Variants in PCDH1 observed in about 807,000 individuals in gnomAD.
The protein encoded by PCDH1 is protocadherin-1.
PCDH1 carries 23 observed loss-of-function variants against 74.6 expected under a neutral mutation model. That is an observed-to-expected ratio of 0.31 (90% CI 0.22 to 0.44). PCDH1 has a LOEUF of 0.44. PCDH1 is among the 20% of genes least tolerant of loss of function. The pLI is 1.00. For missense variants in PCDH1, 1,214 were observed against 1,641.4 expected, an observed-to-expected ratio of 0.74 and a Z score of 4.50; for synonymous variants, 647 against 686.1, an observed-to-expected ratio of 0.94 and a Z score of 0.89.
intron 3 of PCDH1, among the ~76,000 whole-genome samples, chr5:141,860,713 G>A (rs1172492938): frequency 6.6e-6 from 1 of 152,022 alleles, no homozygotes; most frequent in African/African-American, 2.4e-5. Flanking sequence ...TTTCACTTCT[G>A]CAAAATTAAT....
In PCDH1 at chr5:141,863,185, G is replaced by A. The variant is rs201613360; in HGVS notation, c.3099+47C>T. 228 of 1,519,462 alleles carry A rather than the reference G, an allele frequency of 1.5e-4. No homozygotes were observed. In the East Asian group the frequency reaches 4.9e-3, roughly 33 times the overall value. The allele number at this position is 1,519,462 out of a possible 1,614,324, so 94.1% of individuals were successfully genotyped here. A position where few individuals can be genotyped will look rare whatever the true frequency, so the allele number is the denominator to read the frequency against. On this transcript the variant is annotated intron_variant, in intron 3 of 4. Coordinates refer to ENST00000287008, the MANE Select transcript of PCDH1 (RefSeq NM_032420.5). The surrounding 1 kb of genome is among the most constrained non-coding windows in gnomAD (Gnocchi z 7.5). ...CTCGGTCCAGATGGCTCCGTGGTAG[G>A]GGTGGGGTAGGGGCTGGGGTGTGCT...
chr5:141,869,565 C>T lies in PCDH1; in HGVS notation c.41-134G>A, dbSNP rs1411249008. 3.9e-6 allele frequency: 6 copies of T among 1,536,174 alleles called. No individual in the cohort carries two copies. The highest frequency in any genetic ancestry group is 4.4e-6 in the Non-Finnish European group (5 of 1,147,136). ...TCCACAAGAGCAGTCAGTCCCAGCACAGAACCCCGATTCCAGAAACTCAGA... is the reference window on the plus strand; with the variant it reads ...TCCACAAGAGCAGTCAGTCCCAGCATAGAACCCCGATTCCAGAAACTCAGA... On this transcript the variant is annotated intron_variant, in intron 1 of 4. Transcript: ENST00000287008. The surrounding 1 kb of genome is among the most constrained non-coding windows in gnomAD (Gnocchi z 4.9).
In PCDH1 at chr5:141,868,234, C is replaced by A. The variant is rs1752932954; in HGVS notation, c.903+335G>T. Among the ~76,000 whole-genome samples the A allele has an allele frequency of 6.6e-6, 1 of 152,212 alleles. No individual in the cohort carries two copies. The highest frequency in any genetic ancestry group is 1.5e-5 in the Non-Finnish European group (1 of 68,028). On this transcript the variant is annotated intron_variant, in intron 2 of 4. Coordinates refer to ENST00000287008, the MANE Select transcript of PCDH1 (RefSeq NM_032420.5). This position sits in a 1 kb window ranked among gnomAD's most constrained non-coding sequence, Gnocchi z 4.8. ...CTGGATAAACGGTGATTCCTTTGTT[C>A]CAACTCAGCTCACCTGGCTAGCAGA...
chr5:141,863,471 G>T lies in PCDH1; in HGVS notation c.2860C>A (p.Leu954Met). Residue 954 changes from leucine to methionine, a missense_variant, in exon 3 of 5, where the codon CTG (leucine) becomes ATG (methionine). Physicochemically the swap from Leu to Met is conservative, Grantham distance 15 (BLOSUM62 2). This residue lies in a region of PCDH1 where 836 missense variants were observed against 1,182.2 expected (regional missense o/e 0.71). Transcript: ENST00000287008. This position sits in a 1 kb window ranked among gnomAD's most constrained non-coding sequence, Gnocchi z 7.5. The part of the protein sequence containing the change: ...DAPGDSPRIH[L>M]PLNYPPGSPD... ...CTGCCTGGTGGGTAGTTGAGGGGCA[G>T]GTGGATGCGGGGACTGTCCCCAGGG... The T allele has an allele frequency of 6.3e-7, 1 of 1,590,190 alleles. No homozygotes were observed. Among genetic ancestry groups the T allele is most frequent in the South Asian group, 1.2e-5 (1 of 86,570 alleles).
At position 141,864,596 on chromosome 5, in the gene PCDH1, C is replaced by T. The variant is rs768295979; in HGVS notation, c.1735G>A (p.Glu579Lys). ...SLDREQRESY[E>K]LKVVAADRGS... ...CGGTCAGCTGCCACCACCTTCAACT[C>T]ATAGCTCTCCCGCTGTTCCCGATCC... The change falls in exon 3 of 5, where the codon GAG (glutamate) becomes AAG (lysine). Residue 579 changes from glutamate to lysine, a missense_variant. Physicochemically the swap from Glu to Lys is moderately conservative, Grantham distance 56. Coordinates refer to ENST00000287008, the MANE Select transcript of PCDH1 (RefSeq NM_032420.5). The surrounding 1 kb of genome is among the most constrained non-coding windows in gnomAD (Gnocchi z 5.9). The T allele has an allele frequency of 1.2e-6, 2 of 1,613,726 alleles. No individual in the cohort carries two copies. Among genetic ancestry groups the T allele is most frequent in the Non-Finnish European group, 1.7e-6 (2 of 1,180,032 alleles).
At chr5:141,877,414 CAAG>C (rs1466048353) in intron 1 of PCDH1, among the ~76,000 whole-genome samples, 1 of 152,082 alleles carries the variant, frequency 6.6e-6, no homozygotes, top group African/African-American at 2.4e-5. Context: ...ATGTTCTGGC[CAAG>C]AAGTGGGTAA....
chr5:141,871,474 T>G (rs1753095084), intron 1 of PCDH1, among the ~76,000 whole-genome samples: 2 of 152,240 alleles, frequency 1.3e-5, no homozygotes, highest in African/African-American at 4.8e-5. Context: ...CAAACCCAGC[T>G]GCTCACTTCC....
intron 1 of PCDH1, among the ~76,000 whole-genome samples, chr5:141,871,558 T>G (rs966279318): frequency 5.3e-5 from 8 of 152,200 alleles, no homozygotes; most frequent in African/African-American, 1.7e-4. Context: ...TACTACCTAT[T>G]TCCTAGGGTG....
At chr5:141,862,498 A>T (rs2126811948) in intron 3 of PCDH1, among the ~76,000 whole-genome samples, 1 of 152,236 alleles carries the variant, frequency 6.6e-6, no homozygotes, top group South Asian at 2.1e-4. Context: ...GCAAGATGGT[A>T]GGCTAAGATA....
intron 2 of PCDH1, chr5:141,866,056 A>G: frequency 2.0e-6 from 2 of 986,128 alleles, no homozygotes; most frequent in Non-Finnish European, 2.4e-6. Context: ...GTTTGCACAC[A>G]TGAGTAAAGA....
Position 141,863,494 on chromosome 5 carries a change from G to A in PCDH1, c.2837C>T (p.Pro946Leu). The part of the protein sequence containing the change: ...SLKFNLMSDA[P>L]GDSPRIHLPL... ...CAGGTGGATGCGGGGACTGTCCCCA[G>A]GGGCATCGCTCATCAGGTTGAACTT... Residue 946 changes from proline (P) to leucine (L), a missense_variant, in exon 3 of 5, where the codon CCT becomes CTT. Physicochemically the swap from Pro to Leu is moderately conservative, Grantham distance 98. Coordinates refer to ENST00000287008, the MANE Select transcript of PCDH1 (RefSeq NM_032420.5). This position sits in a 1 kb window ranked among gnomAD's most constrained non-coding sequence, Gnocchi z 7.5. 6.2e-7 allele frequency: 1 copy of A among 1,610,756 alleles called. No individual in the cohort carries two copies. The highest frequency in any genetic ancestry group is 8.5e-7 in the Non-Finnish European group (1 of 1,178,390).
At chr5:141,862,864 G>C (rs1353851308) in intron 3 of PCDH1, 1 of 1,150,484 alleles carries the variant, frequency 8.7e-7, no homozygotes, top group Middle Eastern at 3.6e-4. Flanking sequence ...CTGACATAGA[G>C]ACCTAGGTTT....
rs1752930482 is a variant in PCDH1, at chr5:141,868,147, A to G, written c.903+422T>C. Reference sequence around the variant, plus strand: ...TATCCTCCAGCTTCAGGAAAACCTCATCTGGCTAAAGAGAAACTATCCCTG... The same window carrying G: ...TATCCTCCAGCTTCAGGAAAACCTCGTCTGGCTAAAGAGAAACTATCCCTG... On this transcript the variant is annotated intron_variant, in intron 2 of 4. Transcript: ENST00000287008. This position sits in a 1 kb window ranked among gnomAD's most constrained non-coding sequence, Gnocchi z 4.8. Among the ~76,000 whole-genome samples, 1 of 152,266 alleles carries G rather than the reference A, an allele frequency of 6.6e-6. No individual in the cohort carries two copies. Among genetic ancestry groups the G allele is most frequent in the Non-Finnish European group, 1.5e-5 (1 of 68,050 alleles).
chr5:141,854,242 G>T lies in PCDH1; in HGVS notation c.3514C>A (p.Pro1172Thr). 1 of 1,612,110 alleles carries T rather than the reference G, an allele frequency of 6.2e-7. No individual in the cohort carries two copies. The change falls in exon 5 of 5, where the codon CCC becomes ACC. Residue 1172 changes from proline to threonine, a missense_variant. This residue lies in a region of PCDH1 where 194 missense variants were observed against 198.3 expected (regional missense o/e 0.98). Coordinates refer to ENST00000287008, the MANE Select transcript of PCDH1 (RefSeq NM_032420.5). ...GGQEPAGAGS[P>T]SPPEDRNTKT... ...GTGTTCCGGTCTTCCGGGGGGCTGG[G>T]GCTGCCGGCGCCCGCAGGCTCCTGC...
In PCDH1 at chr5:141,863,234, G is replaced by T; in HGVS notation, c.3097C>A (p.Gln1033Lys). 1 of 1,585,978 alleles carries T rather than the reference G, an allele frequency of 6.3e-7. No individual in the cohort carries two copies. The highest frequency in any genetic ancestry group is 1.3e-5 in the African/African-American group (1 of 74,384). The change falls in exon 3 of 5, where the codon CAG becomes AAG. Residue 1033 changes from glutamine (Q) to lysine (K), a missense_variant and splice_region_variant. Gln to Lys is a moderately conservative substitution (Grantham distance 53). Transcript: ENST00000287008. This position sits in a 1 kb window ranked among gnomAD's most constrained non-coding sequence, Gnocchi z 7.5. ...RTNPPKYPSK[Q>K]LPHRRVTFSA... ...CTGAGCTGAAAGGGCTGGCCTACCT[G>T]CTTGCTGGGGTATTTGGGGGGGTTG...
At chr5:141,856,116 G>T in intron 4 of PCDH1, 1 of 1,072,428 alleles carries the variant, frequency 9.3e-7, no homozygotes, top group Non-Finnish European at 1.4e-6. Context: ...TCAGAGCAGA[G>T]TTGGGGGACG....
intron 3 of PCDH1, among the ~76,000 whole-genome samples, chr5:141,859,723 A>G (rs895247749): frequency 2.0e-5 from 3 of 148,058 alleles, no homozygotes; most frequent in African/African-American, 4.9e-5. Flanking sequence ...AAATCCATCC[A>G]TCCATCACCC....
At chr5:141,873,770 TATC>T (rs1456063202) in intron 1 of PCDH1, among the ~76,000 whole-genome samples, 1 of 152,162 alleles carries the variant, frequency 6.6e-6, no homozygotes, top group Admixed American at 6.5e-5. Flanking sequence ...TGCAAACTTT[TATC>T]ATCACCTTTG....
At position 141,863,837 on chromosome 5, in the gene PCDH1, T is replaced by C; in HGVS notation, c.2494A>G (p.Thr832Ala). Residue 832 changes from threonine (T) to alanine (A), a missense_variant, in exon 3 of 5, where the codon ACG (threonine) becomes GCG (alanine). By Grantham distance (58) the Thr-to-Ala change is moderately conservative. Transcript: ENST00000287008. This position sits in a 1 kb window ranked among gnomAD's most constrained non-coding sequence, Gnocchi z 7.5. ...LETLLGHSLD[T>A]PLDIDIAGDP... ...CCAGCAATGTCAATATCCAGCGGCGTGTCCAGGCTGTGGCCCAGGAGGGTC... is the reference window on the plus strand; with the variant it reads ...CCAGCAATGTCAATATCCAGCGGCGCGTCCAGGCTGTGGCCCAGGAGGGTC... 6.2e-7 allele frequency: 1 copy of C among 1,614,202 alleles called. No individual in the cohort carries two copies. Among genetic ancestry groups the C allele is most frequent in the Non-Finnish European group, 8.5e-7 (1 of 1,180,028 alleles).
Sources: allele counts gnomAD v4.1 joint callset (sites outside exome capture counted in the v4.1 genomes callset), GRCh38; gene constraint gnomAD v4.1.1; regional missense constraint gnomAD v4.1.1; non-coding constraint Gnocchi (gnomAD v3.1); transcripts MANE v1.5; gene names NCBI Gene and HGNC (gene_info 2026-07-23, HGNC 2026-07-21).